The following ATP1B1 variants were observed in gnomAD, a reference collection of about 807,000 sequenced individuals.
ATP1B1 encodes the protein ATPase Na+/K+ transporting subunit beta 1.
ATP1B1 carries 3 observed loss-of-function variants against 39.6 expected under a neutral mutation model. The observed-to-expected ratio is 0.08, with a 90% CI of 0.03 to 0.20. The LOEUF is 0.20. ATP1B1 is among the 10% of genes least tolerant of loss of function. The probability of loss-of-function intolerance (pLI) is 1.00; values close to 1 mark genes in which losing one functional copy is unlikely to be tolerated. For synonymous variants in ATP1B1, 139 were observed against 135.0 expected (o/e 1.03, Z -0.20); for missense variants, 216 against 371.1 (o/e 0.58, Z 3.43).
At chr1:169,126,886 T>G (rs895476576) in intron 3 of ATP1B1, among the ~76,000 whole-genome samples, 2 of 152,242 alleles carry the variant, frequency 1.3e-5, no homozygotes, top group African/African-American at 4.8e-5. Context: ...ACTCACGCAG[T>G]GTGATCCGTC....
At chr1:169,124,701 A>G (rs1406143596) in intron 2 of ATP1B1, among the ~76,000 whole-genome samples, 183 bp from the exon 3 acceptor site, 1 of 152,256 alleles carries the variant, frequency 6.6e-6, no homozygotes, top group Non-Finnish European at 1.5e-5. Flanking sequence ...ATATTAAAGC[A>G]TAGTCACTGG....
intron 4 of ATP1B1, among the ~76,000 whole-genome samples, chr1:169,128,546 T>C (rs941508503): frequency 3.3e-5 from 5 of 152,284 alleles, no homozygotes; most frequent in African/African-American, 1.2e-4. Flanking sequence ...TTAATGTACC[T>C]CTCAAAAGGA....
intron 2 of ATP1B1, among the ~76,000 whole-genome samples, chr1:169,123,585 C>CTCTATA (rs1463157930): frequency 1.0e-3 from 141 of 137,952 alleles, no homozygotes; most frequent in African/African-American, 3.6e-3. Context: ...ATCTCTCTCT[C>CTCTATA]TATATATATA....
At chr1:169,130,217 A>G (rs987369985) in intron 5 of ATP1B1, 127 bp downstream of exon 5, 3 of 811,530 alleles carry the variant, frequency 3.7e-6, no homozygotes, top group Non-Finnish European at 5.8e-6. Flanking sequence ...GCTTTCAAGT[A>G]TAAGTCTCAG....
intron 2 of ATP1B1, among the ~76,000 whole-genome samples, chr1:169,116,494 C>T (rs1250100177): frequency 6.6e-6 from 1 of 152,106 alleles, no homozygotes; most frequent in Non-Finnish European, 1.5e-5. Context: ...ACCAGCTGAC[C>T]ACACTGGCAC....
At chr1:169,119,359 T>C (rs1183082217) in intron 2 of ATP1B1, among the ~76,000 whole-genome samples, 1 of 152,206 alleles carries the variant, frequency 6.6e-6, no homozygotes, top group East Asian at 1.9e-4. Context: ...TCAGGGTGGT[T>C]AATGTAAATT....
chr1:169,117,674 A>G (rs1280637322), intron 2 of ATP1B1, among the ~76,000 whole-genome samples: 1 of 152,186 alleles, frequency 6.6e-6, no homozygotes, highest in African/African-American at 2.4e-5. Flanking sequence ...CAGTAGCCTG[A>G]CAGGTCCACT....
chr1:169,118,654 T>C (rs1657906504), intron 2 of ATP1B1, among the ~76,000 whole-genome samples: 1 of 152,250 alleles, frequency 6.6e-6, no homozygotes, highest in Non-Finnish European at 1.5e-5. Flanking sequence ...TGCGTATGCA[T>C]ACATATGTGT....
At chr1:169,122,832 C>T (rs1557950746) in intron 2 of ATP1B1, among the ~76,000 whole-genome samples, 1 of 144,302 alleles carries the variant, frequency 6.9e-6, no homozygotes. Flanking sequence ...CTCAAGCGAT[C>T]CTTCCATCTT....
intron 4 of ATP1B1, 58 bp downstream of exon 4, chr1:169,127,466 T>C (rs1658112606): frequency 6.6e-7 from 1 of 1,523,296 alleles, no homozygotes; most frequent in Non-Finnish European, 8.9e-7. Flanking sequence ...AGTACTTAAT[T>C]GATCTGAGAA....
At chr1:169,126,754 C>T (rs1658095589) in intron 3 of ATP1B1, among the ~76,000 whole-genome samples, 1 of 151,986 alleles carries the variant, frequency 6.6e-6, no homozygotes, top group African/African-American at 2.4e-5. Flanking sequence ...ATACCAGTTC[C>T]TTTTTAAAAA....
chr1:169,130,047 T>A lies in ATP1B1; in HGVS notation c.605T>A (p.Met202Lys), dbSNP rs886104402. Reference protein sequence around the residue: ...KNESLETYPVMKYNPNVLPVQ... With the variant: ...KNESLETYPVKKYNPNVLPVQ... ...GAGTCCTTGGAGACTTACCCAGTGA[T>A]GAAGTATAACCCAAATGTCCTTCCC... Residue 202 changes from methionine (M) to lysine (K), a missense_variant, in exon 5 of 6, where the codon ATG becomes AAG. Transcript: ENST00000367815. The A allele has an allele frequency of 1.2e-6, 2 of 1,613,954 alleles. No homozygotes were observed. Among genetic ancestry groups the A allele is most frequent in the African/African-American group, 2.7e-5 (2 of 74,928 alleles).
chr1:169,126,201 A>G (rs1050364592), intron 3 of ATP1B1, among the ~76,000 whole-genome samples: 5 of 152,204 alleles, frequency 3.3e-5, no homozygotes, highest in African/African-American at 1.2e-4. Context: ...AATTTAAATG[A>G]GGTTTTCATC....
chr1:169,118,037 C>G (rs960259872), intron 2 of ATP1B1, among the ~76,000 whole-genome samples: 1 of 152,058 alleles, frequency 6.6e-6, no homozygotes, highest in Admixed American at 6.6e-5. Context: ...TTATGTTATT[C>G]TTTTATAAAA....
At chr1:169,119,770 G>C (rs550668816) in intron 2 of ATP1B1, among the ~76,000 whole-genome samples, 70 of 151,918 alleles carry the variant, frequency 4.6e-4, no homozygotes, top group South Asian at 1.5e-3. Context: ...TACTAACCCT[G>C]CTAAACCCAC....
chr1:169,110,552 A>G (rs1018159583), intron 1 of ATP1B1: 1 of 965,092 alleles, frequency 1.0e-6, no homozygotes, highest in Non-Finnish European at 1.4e-6. Flanking sequence ...CCTCATTCCC[A>G]TCTATGTGTT....
intron 2 of ATP1B1, 149 bp downstream of exon 2, chr1:169,111,647 C>A: frequency 8.6e-7 from 1 of 1,160,864 alleles, no homozygotes; most frequent in Non-Finnish European, 1.2e-6. Context: ...TCGGCTGCAG[C>A]CAGATGTCCT....
chr1:169,132,590 CTGGTGTTAA>C lies in ATP1B1; in HGVS notation c.*1036_*1044del. 1 of 509,618 alleles carries C rather than the reference CTGGTGTTAA, an allele frequency of 2.0e-6. No individual in the cohort carries two copies. Among genetic ancestry groups the C allele is most frequent in the South Asian group, 3.6e-5 (1 of 28,008 alleles). 31.6% of individuals were successfully genotyped at this position (509,618 alleles called of 1,614,324 possible). A position where few individuals can be genotyped will look rare whatever the true frequency, so the allele number is the denominator to read the frequency against. On this transcript the variant is annotated 3_prime_UTR_variant, in exon 6 of 6. Coordinates refer to ENST00000367815, the MANE Select transcript of ATP1B1 (RefSeq NM_001677.4). ...AAAAAGCAATGCAGTACCCCATAGACTGGTGTTAAATGTTGTCTACAGTGCAAAATCCAT... is the reference window on the plus strand; with the variant it reads ...AAAAAGCAATGCAGTACCCCATAGACATGTTGTCTACAGTGCAAAATCCAT...
chr1:169,116,304 G>T (rs553295996), intron 2 of ATP1B1, among the ~76,000 whole-genome samples: 1 of 152,324 alleles, frequency 6.6e-6, no homozygotes, highest in South Asian at 2.1e-4. Flanking sequence ...TTCCCAGCTG[G>T]CTTGCTTCCT....
Sources: gnomAD v4.1 joint callset for allele counts (sites outside exome capture counted in the v4.1 genomes callset) on GRCh38, gnomAD v4.1.1 for gene constraint, MANE v1.5 for transcripts, NCBI Gene and HGNC (gene_info 2026-07-23, HGNC 2026-07-21) for gene names.